PUDP: variants seen among roughly 807,000 people sequenced by gnomAD.
PUDP encodes pseudouridine-5'-phosphatase.
A neutral mutation model predicts 9.4 loss-of-function variants in PUDP; 8 were observed. That is an observed-to-expected ratio of 0.85 (90% confidence interval 0.50 to 1.53). The LOEUF is 1.53. Among genes scored for constraint, PUDP ranks in the 40% most tolerant of loss-of-function variants. The pLI is 0.00. For missense variants in PUDP, 188 were observed against 189.7 expected, an observed-to-expected ratio of 0.99 and a Z score of 0.05; for synonymous variants, 99 against 80.7, an observed-to-expected ratio of 1.23 and a Z score of -1.22.
chrX:7,060,264 T>C (rs1386909226), intron 3 of PUDP, among the ~76,000 whole-genome samples: 1 of 112,424 alleles, frequency 8.9e-6, no homozygotes, highest in Non-Finnish European at 1.9e-5. Flanking sequence ...CCGGTGTTTA[T>C]AGCTGTGGTT....
At chrX:6,720,664 A>AAATAAT (rs34237665) in intron 1 of PUDP, among the ~76,000 whole-genome samples, 1 of 104,108 alleles carries the variant, frequency 9.6e-6, no homozygotes, top group South Asian at 4.3e-4. Context: ...CACTATCCCC[A>AAATAAT]AATAATAATA....
chrX:6,895,088 C>T (rs146136965), intron 3 of PUDP, among the ~76,000 whole-genome samples: 5,399 of 109,904 alleles, frequency 0.049, 144 homozygotes, highest in East Asian at 0.15. Flanking sequence ...AATAGGCTGA[C>T]TGTCGGTCCT....
intron 1 of PUDP, among the ~76,000 whole-genome samples, chrX:7,138,878 A>C (rs1203368631): frequency 1.1e-5 from 1 of 91,602 alleles, no homozygotes; most frequent in African/African-American, 4.1e-5. Flanking sequence ...TCACCTCCAC[A>C]CTTCAATGTA....
intron 3 of PUDP, among the ~76,000 whole-genome samples, chrX:6,847,485 T>C (rs980336030): frequency 4.5e-5 from 5 of 112,308 alleles, no homozygotes; most frequent in African/African-American, 1.6e-4. Context: ...TTTATTTTTC[T>C]CCCTTGTCTG....
Position 7,058,036 on chromosome X carries a change from G to T in PUDP, c.511-7564C>A, listed in dbSNP as rs180811098. Among the ~76,000 whole-genome samples, 19 of 111,057 alleles carry T rather than the reference G, an allele frequency of 1.7e-4. No homozygotes were observed. In the East Asian group the frequency reaches 3.7e-3, roughly 22 times the overall value. Reference sequence around the variant, plus strand: ...GCCCACCATTTCTTCTCAGCAGCTGGGATCAACAGCACGTCCCATCGGGAA... The same window carrying T: ...GCCCACCATTTCTTCTCAGCAGCTGTGATCAACAGCACGTCCCATCGGGAA... On this transcript the variant is annotated intron_variant, in intron 3 of 3. Transcript: ENST00000381077.
intron 3 of PUDP, among the ~76,000 whole-genome samples, chrX:6,878,618 A>C (rs1179775753): frequency 8.9e-6 from 1 of 112,125 alleles, no homozygotes; most frequent in Non-Finnish European, 1.9e-5. Context: ...TTGGCCTCCC[A>C]AAGTGCTGGG....
chrX:6,774,739 CT>C (rs1260112855), intron 3 of PUDP, among the ~76,000 whole-genome samples: 1 of 112,220 alleles, frequency 8.9e-6, no homozygotes, highest in African/African-American at 3.2e-5. Flanking sequence ...ATCTTTCCAT[CT>C]TTCCAAGCTC....
At position 6,710,198 on chromosome X, in the gene PUDP, C is replaced by T. The variant is rs139637005; in HGVS notation, n.129-3732G>A. Among the ~76,000 whole-genome samples the T allele has an allele frequency of 5.4e-5, 6 of 111,930 alleles. 1 individual carries two copies. The East Asian group carries it at 1.7e-3, about 32-fold the overall frequency. On this transcript the variant is annotated intron_variant and non_coding_transcript_variant, in intron 1 of 2. Transcript: ENST00000438499. ...ATTTGGGAGCCTAGCACACTCTAAG[C>T]ACAAAATGTTCTAATCACTCCCAAT...
At chrX:7,061,959 C>G (rs1323452743) in intron 3 of PUDP, among the ~76,000 whole-genome samples, 1 of 111,957 alleles carries the variant, frequency 8.9e-6, no homozygotes, top group Non-Finnish European at 1.9e-5. Flanking sequence ...CTGGGACTAG[C>G]ACCTTATATT....
chrX:7,016,525 G>C (rs575898151), intron 1 of PUDP, among the ~76,000 whole-genome samples: 1 of 110,834 alleles, frequency 9.0e-6, no homozygotes, highest in Non-Finnish European at 1.9e-5. Context: ...CAATAATGGG[G>C]TACACATTTA....
chrX:6,884,691 C>T (rs1452679626), intron 3 of PUDP, among the ~76,000 whole-genome samples: 3 of 112,185 alleles, frequency 2.7e-5, no homozygotes, highest in African/African-American at 9.7e-5. Flanking sequence ...ACAGGTACAA[C>T]GTGGGCATTC....
intron 3 of PUDP, among the ~76,000 whole-genome samples, chrX:6,951,283 T>TATCC (rs747575376): frequency 0.016 from 1,727 of 108,275 alleles, 38 homozygotes; most frequent in African/African-American, 0.055. Flanking sequence ...CTAATCTATC[T>TATCC]ATCCATCCAT....
intron 3 of PUDP, among the ~76,000 whole-genome samples, chrX:6,840,466 A>G (rs1437930983): frequency 1.8e-5 from 2 of 112,387 alleles, no homozygotes; most frequent in African/African-American, 3.2e-5. Context: ...AAACTTAAAT[A>G]CATATTACTA....
intron 1 of PUDP, among the ~76,000 whole-genome samples, chrX:7,008,851 G>C (rs773167103): frequency 8.9e-6 from 1 of 112,011 alleles, no homozygotes; most frequent in Non-Finnish European, 1.9e-5. Flanking sequence ...AATTTAGAAG[G>C]ACTAAAACTA....
At chrX:7,015,536 G>A (rs990858779) in intron 1 of PUDP, among the ~76,000 whole-genome samples, 4 of 111,520 alleles carry the variant, frequency 3.6e-5, no homozygotes, top group African/African-American at 1.3e-4. Context: ...GAGGTCTTAG[G>A]ACCTACAGTC....
chrX:7,045,989 G>C (rs756567341), downstream of PUDP, among the ~76,000 whole-genome samples: 24 of 112,641 alleles, frequency 2.1e-4, no homozygotes, highest in African/African-American at 7.4e-4. Context: ...TACAGACACT[G>C]TGAGACAAAC....
In PUDP at chrX:6,897,638, G is replaced by C. The variant is rs927878679; in HGVS notation, c.*247+79495C>G. On this transcript the variant is annotated intron_variant and NMD_transcript_variant, in intron 3 of 3. Transcript: ENST00000655425. ...TGCTATAATGAAATACCATACACTA[G>C]GCAGTTTCTAAACAGCAGACATCAT... Among the ~76,000 whole-genome samples the C allele has an allele frequency of 7.2e-5, 8 of 111,516 alleles. No homozygotes were observed. The South Asian group carries it at 1.5e-3, about 21-fold the overall frequency.
intron 3 of PUDP, among the ~76,000 whole-genome samples, chrX:6,960,440 T>A (rs758667449): frequency 1.5e-4 from 17 of 111,934 alleles, no homozygotes; most frequent in Non-Finnish European, 2.8e-4. Context: ...CTGCTCTTGC[T>A]CTCTCTCACC....
chrX:6,904,058 T>A (rs923825021), intron 3 of PUDP, among the ~76,000 whole-genome samples: 80 of 108,065 alleles, frequency 7.4e-4, no homozygotes, highest in African/African-American at 2.3e-3. Context: ...TTCAAATGAT[T>A]CTCCTGCCTC....
Sources: gnomAD v4.1 joint callset for allele counts (sites outside exome capture counted in the v4.1 genomes callset) on GRCh38, gnomAD v4.1.1 for gene constraint, MANE v1.5 for transcripts, NCBI Gene and HGNC (gene_info 2026-07-23, HGNC 2026-07-21) for gene names.